Variants in COL14A1 observed in about 807,000 individuals in gnomAD.
The protein encoded by COL14A1 is collagen alpha-1(XIV) chain.
In COL14A1, 136 loss-of-function variants were observed where a neutral mutation model predicts 230.3. That is an observed-to-expected ratio of 0.59 (90% CI 0.51 to 0.68). The LOEUF is 0.68. COL14A1 is among the 30% of genes least tolerant of loss of function. The pLI is 0.00. For missense variants in COL14A1, 1,976 were observed against 2,215.8 expected (o/e 0.89, Z 2.17); for synonymous variants, 792 against 784.1 (o/e 1.01, Z -0.17).
intron 42 of COL14A1, among the ~76,000 whole-genome samples, chr8:120,338,443 C>T (rs1178033604): frequency 6.6e-6 from 1 of 152,148 alleles, no homozygotes; most frequent in Non-Finnish European, 1.5e-5. Flanking sequence ...TCCTTATTGC[C>T]TGGCCTTGAG....
chr8:120,340,674 C>A (rs903761118), intron 42 of COL14A1, among the ~76,000 whole-genome samples: 1 of 152,128 alleles, frequency 6.6e-6, no homozygotes, highest in African/African-American at 2.4e-5. Context: ...AAAGTAGATG[C>A]GCTTTAATAA....
Position 120,197,866 on chromosome 8 carries a change from C to A in COL14A1, c.648C>A (p.Ser216Arg), listed in dbSNP as rs1488046769. 6.2e-7 allele frequency: 1 copy of A among 1,613,492 alleles called. No homozygotes were observed. The highest frequency in any genetic ancestry group is 8.5e-7 in the Non-Finnish European group (1 of 1,179,540). ...TAGAATGGCACTTGAATGCATTTAG[C>A]ACAAAAGATGAAGTGATTGAAGCTG... ...PRIEWHLNAF[S>R]TKDEVIEAVR... Residue 216 changes from serine to arginine, a missense_variant, in exon 7 of 48, where the codon AGC (serine) becomes AGA (arginine). By Grantham distance (110) the Ser-to-Arg change is moderately radical. Transcript: ENST00000297848.
intron 31 of COL14A1, among the ~76,000 whole-genome samples, chr8:120,282,791 G>A (rs1820077869): frequency 6.6e-6 from 1 of 152,106 alleles, no homozygotes; most frequent in South Asian, 2.1e-4. Flanking sequence ...TCTTCAGGAA[G>A]CAGATTTTCT....
chr8:120,224,611 G>A (rs1178163515), intron 14 of COL14A1, among the ~76,000 whole-genome samples: 1 of 152,116 alleles, frequency 6.6e-6, no homozygotes, highest in Non-Finnish European at 1.5e-5. Context: ...CACCAAATAT[G>A]TCTTTCTGTG....
rs75067272 is a variant in COL14A1 at position 120,196,346 on chromosome 8, T to C, written c.437-445T>C. ...CTTGAATTCAGAAAGTCCGCATTTC[T>C]CTTTTTTCTATCACTTCCTGTAGCA... On this transcript the variant is annotated intron_variant, in intron 5 of 47. Coordinates refer to ENST00000297848, the MANE Select transcript of COL14A1 (RefSeq NM_021110.4). Among the ~76,000 whole-genome samples, 1,060 of 152,320 alleles carry C rather than the reference T, an allele frequency of 7.0e-3. 13 individuals are homozygous for C. The highest frequency in any genetic ancestry group is 0.024 in the African/African-American group (1,005 of 41,564).
chr8:120,228,648 A>G (rs1818166027), intron 17 of COL14A1, 62 bp from the exon 18 acceptor site: 2 of 1,273,520 alleles, frequency 1.6e-6, no homozygotes, highest in Admixed American at 1.7e-5. Flanking sequence ...GAAAGCTACA[A>G]CATGCTATAG....
chr8:120,244,540 C>T lies in COL14A1; in HGVS notation c.2479+532C>T, dbSNP rs190382877. The stretch of plus-strand genomic sequence containing the variant: ...AGTCTCTTATCCCTCATCCCCTTCC[C>T]ACCCTTTCCCCTGGAGTCCCCAAAG... On this transcript the variant is annotated intron_variant, in intron 20 of 47. Transcript: ENST00000297848. Among the ~76,000 whole-genome samples the T allele has an allele frequency of 7.0e-3, 1,061 of 152,254 alleles. 9 individuals carry two copies. Among genetic ancestry groups the T allele is most frequent in the African/African-American group, 0.018 (754 of 41,538 alleles).
intron 13 of COL14A1, among the ~76,000 whole-genome samples, chr8:120,214,781 A>G (rs1391273672): frequency 6.6e-6 from 1 of 151,836 alleles, no homozygotes; most frequent in Non-Finnish European, 1.5e-5. Flanking sequence ...GGTGAAAAAA[A>G]ATAGAACAGA....
At chr8:120,228,212 G>A (rs910285911) in intron 17 of COL14A1, among the ~76,000 whole-genome samples, 1 of 152,152 alleles carries the variant, frequency 6.6e-6, no homozygotes, top group African/African-American at 2.4e-5. Flanking sequence ...AAGTGGATTG[G>A]TGTGTTGACC....
At position 120,278,579 on chromosome 8, in the gene COL14A1, G is replaced by T; in HGVS notation, c.3481+1G>T. 2 of 1,611,420 alleles carry T rather than the reference G, an allele frequency of 1.2e-6. No individual in the cohort carries two copies. The highest frequency in any genetic ancestry group is 1.7e-6 in the Non-Finnish European group (2 of 1,178,834). On this transcript the variant is annotated splice_donor_variant, in intron 28 of 47. Transcript: ENST00000297848. LOFTEE classifies it high-confidence loss of function. ...ATCTCCAGGGAGATGCAATTAGATGGTAAGATATATAAACAATAGTGGCTA... is the reference window on the plus strand; with the variant it reads ...ATCTCCAGGGAGATGCAATTAGATGTTAAGATATATAAACAATAGTGGCTA...
At chr8:120,133,791 A>G (rs1814622909) in intron 1 of COL14A1, among the ~76,000 whole-genome samples, 1 of 152,134 alleles carries the variant, frequency 6.6e-6, no homozygotes, top group Non-Finnish European at 1.5e-5. Flanking sequence ...AAGTAATAAG[A>G]AAAGGGAAAG....
rs184967614 is a variant in COL14A1, at chr8:120,272,049, G to T, written c.3213+1875G>T. Among the ~76,000 whole-genome samples the T allele has an allele frequency of 2.3e-3, 355 of 151,652 alleles. 1 individual carries two copies. The highest frequency in any genetic ancestry group is 3.7e-3 in the Non-Finnish European group (248 of 67,742). Reference sequence around the variant, plus strand: ...ATTTGGAATATATTGTGAAAGAATGGCTAAGAAAATGTGGGCACAAGAAGT... The same window carrying T: ...ATTTGGAATATATTGTGAAAGAATGTCTAAGAAAATGTGGGCACAAGAAGT... On this transcript the variant is annotated intron_variant, in intron 26 of 47. Coordinates refer to ENST00000297848, the MANE Select transcript of COL14A1 (RefSeq NM_021110.4).
At chr8:120,328,260 G>T (rs117201713) in intron 40 of COL14A1, among the ~76,000 whole-genome samples, 1 of 152,040 alleles carries the variant, frequency 6.6e-6, no homozygotes. Flanking sequence ...TTGAGACAGG[G>T]TCTCACTCTA....
intron 18 of COL14A1, among the ~76,000 whole-genome samples, chr8:120,229,334 T>C (rs1320915842): frequency 1.4e-5 from 2 of 146,020 alleles, no homozygotes; most frequent in Non-Finnish European, 3.0e-5. Flanking sequence ...ATCGTTCAGT[T>C]CCCACCTATG....
rs1392063495 is a variant in COL14A1, at chr8:120,315,407, T to C, written c.4552-126T>C. The C allele has an allele frequency of 1.6e-5, 9 of 547,776 alleles. No individual in the cohort carries two copies. The Admixed American group carries it at 1.9e-4, about 11-fold the overall frequency. The allele number at this position is 547,776 out of a possible 1,614,324, so 33.9% of individuals were successfully genotyped here. On this transcript the variant is annotated intron_variant, in intron 38 of 47. Coordinates refer to ENST00000297848, the MANE Select transcript of COL14A1 (RefSeq NM_021110.4). ...AAAAAAAAAAAAGTGTATATATATA[T>C]ATTCTGTTTAGATGTTAGTGCAAAC...
chr8:120,145,618 AAAACAAACAAAC>A (rs555834460), intron 1 of COL14A1, among the ~76,000 whole-genome samples: 6 of 152,164 alleles, frequency 3.9e-5, no homozygotes, highest in African/African-American at 1.2e-4. Flanking sequence ...ACTCTGTCTC[AAAACAAACAAAC>A]AAACAAACAA....
At chr8:120,149,477 A>T (rs1815199256) in intron 2 of COL14A1, among the ~76,000 whole-genome samples, 3 of 152,166 alleles carry the variant, frequency 2.0e-5, no homozygotes, top group Non-Finnish European at 4.4e-5. Flanking sequence ...GAAATTCTAG[A>T]TCACTTATCT....
At chr8:120,146,404 A>C (rs913782738) in intron 1 of COL14A1, among the ~76,000 whole-genome samples, 2 of 151,382 alleles carry the variant, frequency 1.3e-5, no homozygotes, top group Non-Finnish European at 3.0e-5. Context: ...CTAATTCATA[A>C]ATTTTTAAGC....
chr8:120,238,266 C>T (rs985139994), intron 19 of COL14A1, among the ~76,000 whole-genome samples: 5 of 152,170 alleles, frequency 3.3e-5, no homozygotes, highest in Non-Finnish European at 7.4e-5. Flanking sequence ...CTAGAAACCC[C>T]TGACTGGGGC....
Sources: gnomAD v4.1 joint callset for allele counts (sites outside exome capture counted in the v4.1 genomes callset) on GRCh38, gnomAD v4.1.1 for gene constraint, MANE v1.5 for transcripts, NCBI Gene and HGNC (gene_info 2026-07-23, HGNC 2026-07-21) for gene names.